PCDH9: variants seen among roughly 807,000 people sequenced by gnomAD.
PCDH9 encodes the protein protocadherin-9.
Under a neutral mutation model 70.6 loss-of-function variants are expected in PCDH9, and 24 were observed. The ratio of observed to expected loss-of-function variants is 0.34; its 90% CI spans 0.25 to 0.48. PCDH9 has a LOEUF of 0.48. Among genes scored for constraint, PCDH9 ranks in the 20% least tolerant of loss-of-function variants. The pLI, the probability that PCDH9 is intolerant of heterozygous loss-of-function variation, is 0.99. For synonymous variants in PCDH9, 562 were observed against 558.5 expected, an observed-to-expected ratio of 1.01 and a Z score of -0.09; for missense variants, 1,281 against 1,503.6, an observed-to-expected ratio of 0.85 and a Z score of 2.45.
chr13:66,856,954 TA>T (rs2081404987), intron 3 of PCDH9, among the ~76,000 whole-genome samples: 1 of 152,072 alleles, frequency 6.6e-6, no homozygotes, highest in Admixed American at 6.6e-5. Flanking sequence ...CATATAAAAA[TA>T]AAGTCTTTCT....
At chr13:67,041,562 T>C (rs556415616) in intron 2 of PCDH9, among the ~76,000 whole-genome samples, 1 of 151,506 alleles carries the variant, frequency 6.6e-6, no homozygotes, top group Admixed American at 6.6e-5. Flanking sequence ...CCAGGTGCAG[T>C]GGCTCACGCC....
intron 4 of PCDH9, among the ~76,000 whole-genome samples, chr13:66,353,273 C>T (rs965544569): frequency 9.9e-5 from 15 of 152,052 alleles, no homozygotes; most frequent in Non-Finnish European, 1.8e-4. Flanking sequence ...GTTATAAAAC[C>T]TTGAAGGGAT....
At position 66,482,997 on chromosome 13, in the gene PCDH9, C is replaced by T. The variant is rs1193782491; in HGVS notation, c.3340+148213G>A. Among the ~76,000 whole-genome samples, 18 of 152,298 alleles carry T rather than the reference C, an allele frequency of 1.2e-4. No individual in the cohort carries two copies. In the South Asian group the frequency reaches 3.1e-3, roughly 26 times the overall value. On this transcript the variant is annotated intron_variant, in intron 4 of 4. Coordinates refer to ENST00000377865, the MANE Select transcript of PCDH9 (RefSeq NM_203487.3). Reference sequence around the variant, plus strand: ...TCCTCCTGCACATACTAAGCCCCACCGTGCTTTGCTTTGGAATTCATGGCC... The same window carrying T: ...TCCTCCTGCACATACTAAGCCCCACTGTGCTTTGCTTTGGAATTCATGGCC...
chr13:66,787,201 A>G (rs1314078556), intron 3 of PCDH9, among the ~76,000 whole-genome samples: 1 of 152,090 alleles, frequency 6.6e-6, no homozygotes, highest in Non-Finnish European at 1.5e-5. Context: ...TTTAGACACT[A>G]CCTCTGATGC....
intron 3 of PCDH9, chr13:66,825,328 T>C (rs1038680327): frequency 1.7e-5 from 2 of 114,752 alleles, no homozygotes; most frequent in Admixed American, 2.3e-4. Context: ...CATAGTGTTA[T>C]AAAAACTTTT....
At chr13:66,562,487 A>G (rs1270588478) in intron 4 of PCDH9, among the ~76,000 whole-genome samples, 1 of 152,218 alleles carries the variant, frequency 6.6e-6, no homozygotes, top group African/African-American at 2.4e-5. Flanking sequence ...GGGAGGCCTC[A>G]CAATCATGGC....
At chr13:66,802,010 GT>G (rs1263177246) in intron 3 of PCDH9, among the ~76,000 whole-genome samples, 2 of 151,636 alleles carry the variant, frequency 1.3e-5, no homozygotes, top group African/African-American at 4.8e-5. Flanking sequence ...TTGTTTGTTT[GT>G]TTGTTTGTTT....
intron 4 of PCDH9, among the ~76,000 whole-genome samples, chr13:66,578,470 G>C (rs1215091736): frequency 2.0e-5 from 3 of 151,974 alleles, no homozygotes; most frequent in Admixed American, 6.6e-5. Flanking sequence ...CCTACTGTAG[G>C]TCCTGGATGA....
At chr13:66,534,782 C>T (rs1322490200) in intron 4 of PCDH9, among the ~76,000 whole-genome samples, 2 of 152,118 alleles carry the variant, frequency 1.3e-5, no homozygotes, top group African/African-American at 2.4e-5. Flanking sequence ...ATGTAGTATA[C>T]ATCAAGGCCG....
At chr13:66,680,329 A>G (rs1404367508) in intron 3 of PCDH9, among the ~76,000 whole-genome samples, 1 of 152,006 alleles carries the variant, frequency 6.6e-6, no homozygotes, top group Non-Finnish European at 1.5e-5. Context: ...CATTGAAGAA[A>G]GACAGAGATT....
chr13:66,880,666 C>T (rs1023648443), intron 3 of PCDH9, among the ~76,000 whole-genome samples: 2 of 152,190 alleles, frequency 1.3e-5, no homozygotes, highest in African/African-American at 2.4e-5. Flanking sequence ...TGACTCCCTT[C>T]TTAGGTCTAT....
chr13:66,985,842 C>T (rs2083880460), intron 2 of PCDH9: 1 of 152,034 alleles, frequency 6.6e-6, no homozygotes, highest in African/African-American at 2.4e-5. Flanking sequence ...CAACGCTGCA[C>T]ACCCTTAATC....
chr13:66,495,596 AC>A (rs1256957800), intron 4 of PCDH9, among the ~76,000 whole-genome samples: 1 of 152,192 alleles, frequency 6.6e-6, no homozygotes, highest in Non-Finnish European at 1.5e-5. Context: ...ATACATACAT[AC>A]ATACCTCTGG....
At chr13:67,210,234 G>A (rs921711012) in intron 2 of PCDH9, 5 of 151,944 alleles carry the variant, frequency 3.3e-5, no homozygotes, top group Admixed American at 2.0e-4. Flanking sequence ...TCTGCTCAAG[G>A]TTTTGTAGTT....
chr13:66,923,301 T>C (rs1276822610), intron 2 of PCDH9, among the ~76,000 whole-genome samples: 2 of 151,516 alleles, frequency 1.3e-5, no homozygotes, highest in African/African-American at 4.8e-5. Context: ...CTTGACTATA[T>C]AGAAAAAGTA....
intron 3 of PCDH9, among the ~76,000 whole-genome samples, chr13:66,793,927 T>C (rs973105346): frequency 6.6e-6 from 1 of 152,164 alleles, no homozygotes; most frequent in South Asian, 2.1e-4. Context: ...AATTTGTTTT[T>C]ACACTATTGT....
At chr13:66,557,760 T>C (rs1031023335) in intron 4 of PCDH9, among the ~76,000 whole-genome samples, 1 of 152,206 alleles carries the variant, frequency 6.6e-6, no homozygotes, top group African/African-American at 2.4e-5. Flanking sequence ...ATAGAGTGGT[T>C]TCTGATAAAT....
intron 4 of PCDH9, among the ~76,000 whole-genome samples, chr13:66,491,373 G>A (rs1174806054): frequency 2.1e-5 from 3 of 143,892 alleles, no homozygotes; most frequent in African/African-American, 7.8e-5. Context: ...TGTTGGGTGA[G>A]GGCAGGAGAT....
intron 4 of PCDH9, among the ~76,000 whole-genome samples, chr13:66,456,329 A>G (rs1049065148): frequency 6.6e-6 from 1 of 152,114 alleles, no homozygotes; most frequent in Non-Finnish European, 1.5e-5. Context: ...CAGTGCAATC[A>G]TAGCTCACTA....
Sources: allele counts gnomAD v4.1 joint callset (sites outside exome capture counted in the v4.1 genomes callset), GRCh38; gene constraint gnomAD v4.1.1; transcripts MANE v1.5; gene names NCBI Gene and HGNC (gene_info 2026-07-23, HGNC 2026-07-21).